Variants in DNAH12 observed in about 807,000 individuals in gnomAD.
The protein encoded by DNAH12 is axonemal beta dynein heavy chain 12.
A neutral mutation model predicts 371.5 loss-of-function variants in DNAH12; 285 were observed. The observed-to-expected ratio is 0.77, with a 90% CI of 0.70 to 0.85. The LOEUF is 0.85. Ranked by LOEUF, DNAH12 falls within the 40% of genes least tolerant of loss-of-function variation. DNAH12 has a pLI of 0.00. For synonymous variants in DNAH12, 1,200 were observed against 1,213.0 expected (o/e 0.99, Z 0.22); for missense variants, 3,611 against 3,689.4 (o/e 0.98, Z 0.55).
chr3:57,470,310 A>G (rs2066329422), intron 16 of DNAH12, 133 bp downstream of exon 16: 3 of 863,256 alleles, frequency 3.5e-6, no homozygotes, highest in East Asian at 2.7e-5. Context: ...TTTCTCCTAC[A>G]TGGTACCTGG....
intron 35 of DNAH12, among the ~76,000 whole-genome samples, 196 bp from the exon 36 acceptor site, chr3:57,421,902 C>CTTTTTTTTTGTTTTTTTTTTTTTTT (rs2064595967): frequency 1.0e-5 from 1 of 98,548 alleles, no homozygotes; most frequent in Admixed American, 1.1e-4. Flanking sequence ...GTTTGCATGT[C>CTTTTTTTTTGTTTTTTTTTTTTTTT]TTTTTTTTTT....
intron 45 of DNAH12, among the ~76,000 whole-genome samples, chr3:57,389,053 T>TA (rs1255801601): frequency 6.6e-6 from 1 of 152,126 alleles, no homozygotes; most frequent in Non-Finnish European, 1.5e-5. Context: ...TAAAGTATAA[T>TA]AAAAAATAAA....
At chr3:57,465,112 C>T (rs2066162198) in intron 17 of DNAH12, among the ~76,000 whole-genome samples, 1 of 152,144 alleles carries the variant, frequency 6.6e-6, no homozygotes, top group African/African-American at 2.4e-5. Flanking sequence ...GCGAGATTGG[C>T]CCACATTAGC....
In DNAH12 at chr3:57,462,761, T is replaced by G. The variant is rs2066092527; in HGVS notation, c.2464A>C (p.Arg822=). 1.9e-6 allele frequency: 3 copies of G among 1,551,604 alleles called. No individual in the cohort carries two copies. In the Admixed American group the frequency reaches 5.9e-5, roughly 30 times the overall value. Residue 822 remains arginine, a synonymous_variant, in exon 18 of 74, where the codon AGA becomes CGA. Coordinates refer to ENST00000495027, the MANE Select transcript of DNAH12 (RefSeq NM_001366028.2). ...GTAAGGTTTAATTTTAAAACTTTTC[T>G]CAGTGTAGTTCCAGAGTCTGGAGTC... ...DLTPDSGTTL[R]KVLKLNLTPY... is the part of the protein sequence containing the mutation.
chr3:57,455,899 A>G (rs2065890844), intron 22 of DNAH12, among the ~76,000 whole-genome samples: 2 of 152,222 alleles, frequency 1.3e-5, no homozygotes, highest in Non-Finnish European at 2.9e-5. Flanking sequence ...CTTTTTCAAC[A>G]GTAAGTGATT....
chr3:57,343,450 A>G (rs1553656903), intron 60 of DNAH12, among the ~76,000 whole-genome samples: 1 of 152,228 alleles, frequency 6.6e-6, no homozygotes, highest in East Asian at 1.9e-4. Context: ...CAAGCAGTAT[A>G]CTTGGTAAAA....
upstream of DNAH12, among the ~76,000 whole-genome samples, chr3:57,545,207 C>T (rs1009313638): frequency 1.6e-4 from 24 of 149,862 alleles, no homozygotes; most frequent in African/African-American, 5.6e-4. Context: ...GTTGCCCAGG[C>T]TGGAGTGCTC....
chr3:57,447,792 G>A lies in DNAH12; in HGVS notation c.3787-1103C>T, dbSNP rs576013540. On this transcript the variant is annotated intron_variant, in intron 25 of 73. Coordinates refer to ENST00000495027, the MANE Select transcript of DNAH12 (RefSeq NM_001366028.2). ...GGGCTCAAGCAACCCTCCCACCTCA[G>A]CCTCCCGAGTAGCGAGGACTATAGG... is the stretch of plus-strand genomic sequence containing the variant. 2.6e-5 allele frequency among the ~76,000 whole-genome samples: 4 copies of A among 152,124 alleles called. No homozygotes were observed. The South Asian group carries it at 8.3e-4, about 32-fold the overall frequency.
At chr3:57,301,046 T>G (rs1395342604) in intron 70 of DNAH12, among the ~76,000 whole-genome samples, 1 of 151,962 alleles carries the variant, frequency 6.6e-6, no homozygotes, top group East Asian at 1.9e-4. Context: ...TCCCAGTGCT[T>G]TGGGAGGCCA....
intron 49 of DNAH12, among the ~76,000 whole-genome samples, chr3:57,382,840 T>G (rs1341393566): frequency 6.6e-6 from 1 of 152,206 alleles, no homozygotes; most frequent in South Asian, 2.1e-4. Flanking sequence ...AGGTATATAT[T>G]GTTATAATAG....
intron 39 of DNAH12, among the ~76,000 whole-genome samples, chr3:57,409,846 T>G (rs1158543860): frequency 9.2e-5 from 14 of 152,136 alleles, no homozygotes; most frequent in African/African-American, 3.1e-4. Context: ...ATCTTACATG[T>G]GAGAAACTAA....
chr3:57,406,339 G>T (rs953843851), intron 40 of DNAH12, among the ~76,000 whole-genome samples: 1 of 137,606 alleles, frequency 7.3e-6, no homozygotes, highest in Non-Finnish European at 1.5e-5. Flanking sequence ...CCTGGGCAAC[G>T]AAGTGAGATT....
intron 52 of DNAH12, among the ~76,000 whole-genome samples, chr3:57,377,994 A>C (rs2063316309): frequency 6.6e-6 from 1 of 152,184 alleles, no homozygotes; most frequent in South Asian, 2.1e-4. Flanking sequence ...CAAGAGAGAG[A>C]GAGCAGTGTA....
chr3:57,503,476 A>T (rs1159226260), intron 9 of DNAH12, among the ~76,000 whole-genome samples: 1 of 149,506 alleles, frequency 6.7e-6, no homozygotes, highest in African/African-American at 2.5e-5. Context: ...GCAACCTCCG[A>T]CTCCCTGGTT....
At chr3:57,484,521 C>T (rs1197983822) in intron 12 of DNAH12, among the ~76,000 whole-genome samples, 1 of 152,036 alleles carries the variant, frequency 6.6e-6, no homozygotes, top group South Asian at 2.1e-4. Context: ...CATCTCTCAC[C>T]TTATACAAAA....
In DNAH12 at chr3:57,453,234, A is replaced by G. The variant is rs745383240; in HGVS notation, c.3613+13T>C. ...ACATTTTATCTTTAAAAATTAAAGA[A>G]AAAGTCACATACCCATTTTAATCAT... On this transcript the variant is annotated intron_variant, in intron 24 of 73. Coordinates refer to ENST00000495027, the MANE Select transcript of DNAH12 (RefSeq NM_001366028.2). 1.3e-6 allele frequency: 2 copies of G among 1,519,856 alleles called. No homozygotes were observed. The highest frequency in any genetic ancestry group is 1.4e-5 in the African/African-American group (1 of 71,192). The allele number at this position is 1,519,856 out of a possible 1,614,324, so 94.1% of individuals were successfully genotyped here.
chr3:57,395,751 C>G (rs976720966), intron 43 of DNAH12, among the ~76,000 whole-genome samples: 1 of 151,150 alleles, frequency 6.6e-6, no homozygotes, highest in African/African-American at 2.4e-5. Context: ...TTGAGAGCAG[C>G]CTGGACAACA....
intron 2 of DNAH12, among the ~76,000 whole-genome samples, chr3:57,528,179 C>A (rs1248429200): frequency 6.6e-6 from 1 of 151,816 alleles, no homozygotes; most frequent in Non-Finnish European, 1.5e-5. Flanking sequence ...CAGGCATGCA[C>A]CACCATGCCT....
chr3:57,544,924 C>G (rs141512185), upstream of DNAH12, among the ~76,000 whole-genome samples: 1 of 151,052 alleles, frequency 6.6e-6, no homozygotes. Flanking sequence ...TGAATACTGC[C>G]GGTGTGTTAA....
Sources: allele counts gnomAD v4.1 joint callset (sites outside exome capture counted in the v4.1 genomes callset), GRCh38; gene constraint gnomAD v4.1.1; transcripts MANE v1.5; gene names NCBI Gene and HGNC (gene_info 2026-07-23, HGNC 2026-07-21).